Variants in ANO6 observed in about 807,000 individuals in gnomAD.
ANO6 encodes anoctamin 6.
A neutral mutation model predicts 117.5 loss-of-function variants in ANO6; 106 were observed. The observed-to-expected ratio is 0.90, with a 90% CI of 0.77 to 1.06. The LOEUF is 1.06. Ranked by LOEUF, ANO6 falls within the 50% of genes least tolerant of loss-of-function variation. The pLI is 0.00. For missense variants in ANO6, 955 were observed against 1,121.1 expected (o/e 0.85, Z 2.12); for synonymous variants, 367 against 385.1 (o/e 0.95, Z 0.55).
At chr12:45,251,398 C>CA in intron 1 of ANO6, among the ~76,000 whole-genome samples, 1 of 152,208 alleles carries the variant, frequency 6.6e-6, no homozygotes, top group African/African-American at 2.4e-5. Flanking sequence ...CACAGAGATT[C>CA]AGCCAGGGCT....
Position 45,430,156 on chromosome 12 carries a change from T to G in ANO6, c.*845T>G. 1.0e-6 allele frequency: 1 copy of G among 985,434 alleles called. No homozygotes were observed. The highest frequency in any genetic ancestry group is 1.1e-4 in the East Asian group (1 of 8,822). The allele number at this position is 985,434 out of a possible 1,614,324, so 61.0% of individuals were successfully genotyped here. ...ATCTTTTCTAAAGATGTGTAGTTTC[T>G]TGGAAAACAGTGATATCACATGATT... On this transcript the variant is annotated 3_prime_UTR_variant, in exon 20 of 20. Transcript: ENST00000320560.
intron 1 of ANO6, among the ~76,000 whole-genome samples, chr12:45,238,368 C>T (rs1200475289): frequency 6.6e-6 from 1 of 151,992 alleles, no homozygotes; most frequent in Admixed American, 6.6e-5. Context: ...CCAGGCTGGT[C>T]TCGAACTCCC....
chr12:45,434,416 C>T (rs1381264318), downstream of ANO6, among the ~76,000 whole-genome samples: 1 of 152,170 alleles, frequency 6.6e-6, no homozygotes, highest in African/African-American at 2.4e-5. Flanking sequence ...CACGGGCTGA[C>T]CACACCGCTG....
chr12:45,242,179 G>A (rs1463931233), intron 1 of ANO6, among the ~76,000 whole-genome samples: 1 of 152,266 alleles, frequency 6.6e-6, no homozygotes. Context: ...CCACGAAGGT[G>A]GAGTCTATAG....
chr12:45,263,492 G>A (rs1472762906), intron 1 of ANO6, among the ~76,000 whole-genome samples: 1 of 150,300 alleles, frequency 6.7e-6, no homozygotes, highest in East Asian at 2.0e-4. Flanking sequence ...GATCACAGTC[G>A]TGAGCTGCCC....
At chr12:45,227,993 A>T (rs1487964498) in intron 1 of ANO6, among the ~76,000 whole-genome samples, 1 of 152,182 alleles carries the variant, frequency 6.6e-6, no homozygotes, top group Non-Finnish European at 1.5e-5. Flanking sequence ...AATCTCTTTC[A>T]GGGAAATCTT....
At chr12:45,333,680 G>T (rs1940741154) in intron 3 of ANO6, among the ~76,000 whole-genome samples, 1 of 151,970 alleles carries the variant, frequency 6.6e-6, no homozygotes, top group Non-Finnish European at 1.5e-5. Context: ...GCTTTGAAGT[G>T]TTTTCAGACT....
In ANO6 at chr12:45,403,076, C is replaced by A. The variant is rs755641671; in HGVS notation, c.1617C>A (p.Leu539=). 1.7e-5 allele frequency: 27 copies of A among 1,613,828 alleles called. No individual in the cohort carries two copies. The highest frequency in any genetic ancestry group is 2.3e-5 in the Non-Finnish European group (27 of 1,179,872). Residue 539 remains leucine, a synonymous_variant, in exon 14 of 20, where the codon CTC becomes CTA. Transcript: ENST00000320560. ...TTCTCTTTCTTTTAACTACAGAACT[C>A]CCAAGGACCCAGACTGATTATGAGA... The part of the protein sequence containing the change: ...KVAIMITNFE[L]PRTQTDYENS...
At chr12:45,371,002 C>T (rs61349051) in intron 9 of ANO6, among the ~76,000 whole-genome samples, 4,950 of 152,208 alleles carry the variant, frequency 0.033, 245 homozygotes, top group African/African-American at 0.11. Flanking sequence ...AGTGGGTGCA[C>T]GCACCGTGCG....
At chr12:45,218,021 C>G (rs556558939) in intron 1 of ANO6, among the ~76,000 whole-genome samples, 1 of 152,124 alleles carries the variant, frequency 6.6e-6, no homozygotes, top group African/African-American at 2.4e-5. Flanking sequence ...ATTGAGGCAT[C>G]GTATAAATTC....
intron 3 of ANO6, among the ~76,000 whole-genome samples, chr12:45,332,304 T>C (rs1940692417): frequency 1.8e-5 from 2 of 109,172 alleles, no homozygotes; most frequent in Non-Finnish European, 3.8e-5. Flanking sequence ...TCTCTCTCTC[T>C]CTCTCTCACA....
At chr12:45,259,263 G>A (rs1937941571) in intron 1 of ANO6, among the ~76,000 whole-genome samples, 1 of 152,166 alleles carries the variant, frequency 6.6e-6, no homozygotes, top group Admixed American at 6.5e-5. Flanking sequence ...TAAACAGTAT[G>A]CTTTTTCCTG....
intron 3 of ANO6, among the ~76,000 whole-genome samples, chr12:45,340,913 C>T (rs932131495): frequency 1.3e-5 from 2 of 152,150 alleles, no homozygotes; most frequent in African/African-American, 2.4e-5. Flanking sequence ...TGCTAATTTA[C>T]TTTAGCTACC....
At chr12:45,420,452 C>CA (rs999068275) in intron 17 of ANO6, among the ~76,000 whole-genome samples, 3 of 147,128 alleles carry the variant, frequency 2.0e-5, no homozygotes, top group Non-Finnish European at 2.9e-5. Context: ...CCTATCTCTA[C>CA]AAAAAATGTT....
At chr12:45,423,169 A>G in intron 19 of ANO6, 107 bp downstream of exon 19, 1 of 842,756 alleles carries the variant, frequency 1.2e-6, no homozygotes, top group Admixed American at 1.8e-5. Flanking sequence ...TCTTCTTATC[A>G]CTTGCTAATA....
chr12:45,336,551 C>A (rs1432166902), intron 3 of ANO6, among the ~76,000 whole-genome samples: 2 of 151,926 alleles, frequency 1.3e-5, no homozygotes, highest in Non-Finnish European at 2.9e-5. Context: ...TCATAGCTGT[C>A]TTAACATGGT....
intron 1 of ANO6, chr12:45,228,122 T>TG: frequency 2.8e-6 from 1 of 362,430 alleles, no homozygotes; most frequent in Non-Finnish European, 5.1e-6. Flanking sequence ...CTTTTTGTGT[T>TG]GTTTTTTTTT....
chr12:45,376,677 G>T (rs1208456568), intron 9 of ANO6, among the ~76,000 whole-genome samples: 4 of 142,836 alleles, frequency 2.8e-5, no homozygotes, highest in Admixed American at 7.2e-5. Flanking sequence ...ACAGGAAGGG[G>T]AACATCACAC....
intron 1 of ANO6, chr12:45,228,163 G>A: frequency 2.9e-6 from 1 of 343,088 alleles, no homozygotes; most frequent in Non-Finnish European, 5.6e-6. Context: ...TCTTTCTGTT[G>A]CCAGGGCTGA....
Sources: allele counts gnomAD v4.1 joint callset (sites outside exome capture counted in the v4.1 genomes callset), GRCh38; gene constraint gnomAD v4.1.1; transcripts MANE v1.5; gene names NCBI Gene and HGNC (gene_info 2026-07-23, HGNC 2026-07-21).